The following C10orf90 variants were observed in gnomAD, a reference collection of about 807,000 sequenced individuals.
The protein encoded by C10orf90 is chromosome 10 open reading frame 90.
Under a neutral mutation model 62.5 loss-of-function variants are expected in C10orf90, and 56 were observed. The observed-to-expected ratio is 0.90, with a 90% confidence interval of 0.72 to 1.12. C10orf90 has a LOEUF of 1.12. Ranked by LOEUF, C10orf90 falls within the 50% of genes most tolerant of loss-of-function variation. C10orf90 has a pLI of 0.00. For synonymous variants in C10orf90, 386 were observed against 340.4 expected (o/e 1.13, Z -1.47); for missense variants, 970 against 880.4 (o/e 1.10, Z -1.29).
At chr10:126,510,340 G>A (rs866878165) in intron 3 of C10orf90, among the ~76,000 whole-genome samples, 76 of 152,100 alleles carry the variant, frequency 5.0e-4, no homozygotes, top group Non-Finnish European at 9.0e-4. Context: ...TAAGTCAGCC[G>A]ACTACTTTTA....
chr10:126,616,772 A>G (rs1275711021), intron 2 of C10orf90, among the ~76,000 whole-genome samples: 3 of 152,206 alleles, frequency 2.0e-5, no homozygotes, highest in Non-Finnish European at 4.4e-5. Context: ...TGAAGAGCAC[A>G]ATCTTTTAAT....
intron 2 of C10orf90, among the ~76,000 whole-genome samples, chr10:126,519,339 G>C (rs1170138986): frequency 1.3e-5 from 2 of 152,232 alleles, no homozygotes; most frequent in Non-Finnish European, 2.9e-5. Flanking sequence ...ATTCCAATCT[G>C]TTGCCCAATA....
At chr10:126,513,707 G>C (rs1048342186) in intron 3 of C10orf90, 141 bp downstream of exon 3, 2 of 585,734 alleles carry the variant, frequency 3.4e-6, no homozygotes, top group African/African-American at 3.8e-5. Context: ...TAAATCTATA[G>C]CACGGTTAGA....
At chr10:126,586,870 G>A (rs1844883013) in intron 2 of C10orf90, among the ~76,000 whole-genome samples, 1 of 152,148 alleles carries the variant, frequency 6.6e-6, no homozygotes, top group Non-Finnish European at 1.5e-5. Flanking sequence ...CCCAGCCTCA[G>A]GGATCTGACT....
chr10:126,626,620 T>C (rs1219567532), intron 2 of C10orf90, among the ~76,000 whole-genome samples: 1 of 152,198 alleles, frequency 6.6e-6, no homozygotes, highest in African/African-American at 2.4e-5. Context: ...AATGGATCAG[T>C]AAGGAGAAAT....
chr10:126,533,142 G>A (rs2133958146), intron 2 of C10orf90, among the ~76,000 whole-genome samples: 2 of 151,928 alleles, frequency 1.3e-5, no homozygotes, highest in Admixed American at 1.3e-4. Context: ...CACCATGTTA[G>A]CCAGGATGTT....
chr10:126,661,977 A>G (rs1416918812), intron 1 of C10orf90, among the ~76,000 whole-genome samples: 1 of 151,880 alleles, frequency 6.6e-6, no homozygotes, highest in Non-Finnish European at 1.5e-5. Flanking sequence ...ACTAACCAGT[A>G]TTATCTTGGT....
intron 4 of C10orf90, among the ~76,000 whole-genome samples, chr10:126,474,923 A>T (rs185846504): frequency 6.6e-6 from 1 of 152,342 alleles, no homozygotes; most frequent in Admixed American, 6.5e-5. Context: ...GCCAAGGGCA[A>T]GCCGCAGAGA....
In C10orf90 at chr10:126,579,073, A is replaced by ATTT. The variant is rs1564880097; in HGVS notation, c.314-65135_314-65134insAAA. On this transcript the variant is annotated intron_variant, in intron 2 of 9. Transcript: ENST00000488181. ...TACTTCAATTAAAAGTTTTTTTTTA[A>ATTT]AAAAAAAAACCTATCAGCTCTGCTC... Among the ~76,000 whole-genome samples the ATTT allele has an allele frequency of 6.8e-3, 1,013 of 148,894 alleles. 14 individuals are homozygous for ATTT. The highest frequency in any genetic ancestry group is 0.023 in the African/African-American group (914 of 39,580).
chr10:126,534,134 T>C (rs1246773887), intron 2 of C10orf90, among the ~76,000 whole-genome samples: 1 of 152,242 alleles, frequency 6.6e-6, no homozygotes, highest in African/African-American at 2.4e-5. Flanking sequence ...GAGGATTTCA[T>C]CTTGCCCCAA....
chr10:126,429,747 C>A, intron 8 of C10orf90, 40 bp downstream of exon 8: 1 of 1,586,390 alleles, frequency 6.3e-7, no homozygotes, highest in Non-Finnish European at 8.7e-7. Flanking sequence ...ACCCTACTCC[C>A]CCCACCAACT....
intron 4 of C10orf90, among the ~76,000 whole-genome samples, chr10:126,476,936 G>A (rs1280647971): frequency 6.9e-6 from 1 of 144,794 alleles, no homozygotes; most frequent in Non-Finnish European, 1.5e-5. Flanking sequence ...TTGAGGGGGA[G>A]TCTCGCTCTG....
rs992291778 is a variant in C10orf90 at position 126,504,019 on chromosome 10, C to G, written c.1472G>C (p.Cys491Ser). Residue 491 changes from cysteine (C) to serine (S), a missense_variant, in exon 4 of 10, where the codon TGT (cysteine) becomes TCT (serine). Cys to Ser is a moderately radical substitution (Grantham distance 112). Transcript: ENST00000488181. The surrounding 1 kb of genome is among the most constrained non-coding windows in gnomAD (Gnocchi z 4.1). ...TTGGTTGGCATGATCGCTGGCGTGA[C>G]AATGAGTTGTATGGTCCTTTTCCCC... is the stretch of plus-strand genomic sequence containing the variant. Reference protein sequence around the residue: ...RKGEKDHTTHCHASDHANQLS... With the variant: ...RKGEKDHTTHSHASDHANQLS... The G allele has an allele frequency of 1.2e-6, 2 of 1,613,942 alleles. No individual in the cohort carries two copies. Among genetic ancestry groups the G allele is most frequent in the Non-Finnish European group, 1.7e-6 (2 of 1,180,026 alleles).
intron 2 of C10orf90, among the ~76,000 whole-genome samples, chr10:126,551,787 C>T (rs182655403): frequency 2.6e-5 from 4 of 152,314 alleles, no homozygotes; most frequent in South Asian, 4.1e-4. Context: ...TGATAAGGGC[C>T]TTGCACGCTT....
In C10orf90 at chr10:126,468,646, A is replaced by C. The variant is rs552357385; in HGVS notation, c.1535-3660T>G. On this transcript the variant is annotated intron_variant, in intron 4 of 9. Transcript: ENST00000488181. ...TTCTGTTCCTGACCTCACCAAGTTC[A>C]ACTGCAGGCCTTAGGGATAAGTTGA... Among the ~76,000 whole-genome samples the C allele has an allele frequency of 1.1e-4, 16 of 152,294 alleles. No individual in the cohort carries two copies. The East Asian group carries it at 1.5e-3, about 15-fold the overall frequency.
At chr10:126,663,598 G>A (rs1056080518) in intron 1 of C10orf90, among the ~76,000 whole-genome samples, 1 of 152,090 alleles carries the variant, frequency 6.6e-6, no homozygotes, top group African/African-American at 2.4e-5. Flanking sequence ...GCACGCAGTG[G>A]TCCTGGCTTC....
At chr10:126,631,890 G>A (rs1233610763) in intron 2 of C10orf90, among the ~76,000 whole-genome samples, 2 of 152,020 alleles carry the variant, frequency 1.3e-5, no homozygotes, top group African/African-American at 2.4e-5. Flanking sequence ...GGTCACGGTA[G>A]GAGTGCTAAG....
chr10:126,546,474 T>C (rs775425850), intron 2 of C10orf90, among the ~76,000 whole-genome samples: 1 of 152,120 alleles, frequency 6.6e-6, no homozygotes, highest in African/African-American at 2.4e-5. Context: ...AGAGGAGACC[T>C]TGTAGAGATT....
intron 2 of C10orf90, among the ~76,000 whole-genome samples, chr10:126,536,747 A>T (rs1258618482): frequency 6.6e-6 from 1 of 152,210 alleles, no homozygotes; most frequent in Non-Finnish European, 1.5e-5. Flanking sequence ...TCTGATAAAA[A>T]TGTTTCCCAT....
Sources: allele counts gnomAD v4.1 joint callset (sites outside exome capture counted in the v4.1 genomes callset), GRCh38; gene constraint gnomAD v4.1.1; non-coding constraint Gnocchi (gnomAD v3.1); transcripts MANE v1.5; gene names NCBI Gene and HGNC (gene_info 2026-07-23, HGNC 2026-07-21).